CFAP299: variants seen among roughly 807,000 people sequenced by gnomAD.
CFAP299 encodes cilia- and flagella-associated protein 299.
CFAP299 carries 21 observed loss-of-function variants against 27.0 expected under a neutral mutation model. The observed-to-expected ratio is 0.78, with a 90% confidence interval of 0.55 to 1.12. CFAP299 has a LOEUF of 1.12. Among genes scored for constraint, CFAP299 ranks in the 50% most tolerant of loss-of-function variants. The probability of loss-of-function intolerance (pLI) is 0.00; values close to 1 mark genes in which losing one functional copy is unlikely to be tolerated. For missense variants in CFAP299, 310 were observed against 276.6 expected (o/e 1.12, Z -0.86); for synonymous variants, 104 against 98.1 (o/e 1.06, Z -0.36).
intron 3 of CFAP299, among the ~76,000 whole-genome samples, chr4:80,587,346 G>A (rs1223429917): frequency 6.6e-6 from 1 of 151,892 alleles, no homozygotes; most frequent in South Asian, 2.1e-4. Flanking sequence ...TTATTTCCTG[G>A]ATAAAAATTT....
chr4:80,663,036 A>G (rs1208812643), intron 3 of CFAP299, among the ~76,000 whole-genome samples: 2 of 151,972 alleles, frequency 1.3e-5, no homozygotes, highest in Non-Finnish European at 2.9e-5. Context: ...AAAACAACAC[A>G]TCAATGCTTA....
intron 3 of CFAP299, among the ~76,000 whole-genome samples, chr4:80,666,053 C>T (rs1560686415): frequency 6.6e-6 from 1 of 152,110 alleles, no homozygotes; most frequent in Non-Finnish European, 1.5e-5. Flanking sequence ...AATCTCCAGT[C>T]TCATATGAGA....
intron 2 of CFAP299, among the ~76,000 whole-genome samples, chr4:80,379,015 T>C (rs1166647346): frequency 6.6e-6 from 1 of 152,086 alleles, no homozygotes; most frequent in Non-Finnish European, 1.5e-5. Context: ...GTAGAGTTGA[T>C]GTTATTTCTT....
In CFAP299 at chr4:80,390,782, TAC is replaced by T. The variant is rs1468300917; in HGVS notation, c.242+27902_242+27903del. ...ATATGTATATATGTATATATACATA[TAC>T]ACATATATGTATATGTATATATGTA... On this transcript the variant is annotated intron_variant, in intron 2 of 5. Coordinates refer to ENST00000358105, the MANE Select transcript of CFAP299 (RefSeq NM_152770.3). 7.1e-5 allele frequency among the ~76,000 whole-genome samples: 10 copies of T among 141,256 alleles called. No individual in the cohort carries two copies. The East Asian group carries it at 1.2e-3, about 17-fold the overall frequency. The allele number at this position is 141,256 out of a possible 152,430, so 92.7% of individuals were successfully genotyped here.
chr4:80,337,931 T>G (rs1722235343), intron 1 of CFAP299, among the ~76,000 whole-genome samples: 1 of 151,248 alleles, frequency 6.6e-6, no homozygotes, highest in Non-Finnish European at 1.5e-5. Flanking sequence ...AGTGCTATTA[T>G]TTCTAGAGAT....
chr4:80,674,287 G>T (rs1002425663), intron 3 of CFAP299, among the ~76,000 whole-genome samples: 1 of 152,128 alleles, frequency 6.6e-6, no homozygotes, highest in Non-Finnish European at 1.5e-5. Context: ...ATGAAGCATG[G>T]TTTGGCTGGA....
At chr4:80,458,009 C>T (rs1438050108) in intron 2 of CFAP299, among the ~76,000 whole-genome samples, 1 of 152,120 alleles carries the variant, frequency 6.6e-6, no homozygotes, top group Non-Finnish European at 1.5e-5. Flanking sequence ...GCACCTGGAT[C>T]TTAGTTTTAC....
chr4:80,701,509 T>A (rs1478933556), intron 3 of CFAP299, among the ~76,000 whole-genome samples: 1 of 152,038 alleles, frequency 6.6e-6, no homozygotes, highest in Non-Finnish European at 1.5e-5. Context: ...AAAGTAATAA[T>A]CCTTTTTTTC....
chr4:80,843,488 A>C (rs1004159828), intron 3 of CFAP299, among the ~76,000 whole-genome samples: 3 of 152,126 alleles, frequency 2.0e-5, no homozygotes, highest in South Asian at 4.1e-4. Flanking sequence ...ATTGTTGGAC[A>C]TTTAGGTTGG....
rs368262234 is a variant in CFAP299 at position 80,812,174 on chromosome 4, G to A, written c.334-57819G>A. On this transcript the variant is annotated intron_variant, in intron 3 of 5. Coordinates refer to ENST00000358105, the MANE Select transcript of CFAP299 (RefSeq NM_152770.3). ...AGTATGTGTCTGTGATCTATACTCA[G>A]GAGGATAGGTTGACCAATGAATCAC... 5.3e-5 allele frequency among the ~76,000 whole-genome samples: 8 copies of A among 152,000 alleles called. No individual in the cohort carries two copies. In the East Asian group the frequency reaches 9.7e-4, roughly 18 times the overall value.
chr4:80,430,441 G>A (rs186110029), intron 2 of CFAP299, among the ~76,000 whole-genome samples: 4 of 152,250 alleles, frequency 2.6e-5, no homozygotes, highest in Admixed American at 2.0e-4. Context: ...TCCTTTGCTG[G>A]TTCCTCTTTA....
rs914356075 is a variant in CFAP299 at position 80,905,467 on chromosome 4, A to AT, written c.476+35340dup. Among the ~76,000 whole-genome samples the AT allele has an allele frequency of 1.4e-4, 21 of 151,004 alleles. 1 individual carries two copies. Among genetic ancestry groups the AT allele is most frequent in the East Asian group, 1.9e-4 (1 of 5,178 alleles). Reference sequence around the variant, plus strand: ...AATATATTGTAATCAGGAAATTGATATTTTTTTTAAAAAAGACTAGAATTC... The same window carrying AT: ...AATATATTGTAATCAGGAAATTGATATTTTTTTTTAAAAAAGACTAGAATTC... On this transcript the variant is annotated intron_variant, in intron 4 of 5. Transcript: ENST00000358105.
intron 4 of CFAP299, among the ~76,000 whole-genome samples, chr4:80,906,818 C>A (rs553939211): frequency 1.3e-5 from 2 of 152,258 alleles, no homozygotes; most frequent in Admixed American, 1.3e-4. Context: ...ATCCACAAGG[C>A]CATTTTTCCC....
At chr4:80,635,638 A>G (rs897753325) in intron 3 of CFAP299, among the ~76,000 whole-genome samples, 4 of 152,190 alleles carry the variant, frequency 2.6e-5, no homozygotes, top group Non-Finnish European at 5.9e-5. Context: ...ATTAAAATTA[A>G]TAAGAGAAAC....
chr4:80,726,245 T>A (rs1723153174), intron 3 of CFAP299, among the ~76,000 whole-genome samples: 1 of 152,148 alleles, frequency 6.6e-6, no homozygotes, highest in South Asian at 2.1e-4. Flanking sequence ...GACCAGTAGC[T>A]TAAACTTTTT....
chr4:80,640,547 C>A (rs1294843024), intron 3 of CFAP299, among the ~76,000 whole-genome samples: 2 of 152,168 alleles, frequency 1.3e-5, no homozygotes, highest in East Asian at 3.9e-4. Context: ...GTACCAGCCC[C>A]AAATTCCTCT....
intron 2 of CFAP299, among the ~76,000 whole-genome samples, chr4:80,378,087 A>G (rs1255264049): frequency 6.6e-6 from 1 of 152,150 alleles, no homozygotes; most frequent in African/African-American, 2.4e-5. Context: ...GGGAGATACA[A>G]TTAAAGTTGA....
intron 3 of CFAP299, among the ~76,000 whole-genome samples, chr4:80,738,004 G>A (rs71596032): frequency 0.13 from 19,042 of 151,942 alleles, 1,601 homozygotes; most frequent in African/African-American, 0.23. Context: ...ATTCAGGAGC[G>A]TATTGTTTAA....
intron 3 of CFAP299, among the ~76,000 whole-genome samples, chr4:80,776,634 A>C (rs1040655085): frequency 6.6e-6 from 1 of 152,044 alleles, no homozygotes; most frequent in African/African-American, 2.4e-5. Flanking sequence ...TACCTAATAC[A>C]TGCAGGGCTT....
Sources: allele counts gnomAD v4.1 joint callset (sites outside exome capture counted in the v4.1 genomes callset), GRCh38; gene constraint gnomAD v4.1.1; transcripts MANE v1.5; gene names NCBI Gene and HGNC (gene_info 2026-07-23, HGNC 2026-07-21).